PDE10A: variants seen among roughly 807,000 people sequenced by gnomAD.
The protein encoded by PDE10A is phosphodiesterase 10A, also known as cAMP and cAMP-inhibited cGMP 3',5'-cyclic phosphodiesterase 10A.
In PDE10A, 39 loss-of-function variants were observed where a neutral mutation model predicts 97.7. The ratio of observed to expected loss-of-function variants is 0.40; its 90% CI spans 0.31 to 0.52. PDE10A has a LOEUF of 0.52. Among genes scored for constraint, PDE10A ranks in the 20% least tolerant of loss-of-function variants. The pLI is 0.56. For missense variants in PDE10A, 731 were observed against 1,047.8 expected (o/e 0.70, Z 4.17); for synonymous variants, 371 against 376.8 (o/e 0.98, Z 0.18).
intron 5 of PDE10A, among the ~76,000 whole-genome samples, chr6:165,442,549 T>C (rs1382845517): frequency 4.6e-5 from 7 of 152,128 alleles, no homozygotes; most frequent in Non-Finnish European, 1.0e-4. Flanking sequence ...TGCCACACAC[T>C]TTTTACCTAC....
chr6:165,493,689 G>C (rs372322087), intron 2 of PDE10A, among the ~76,000 whole-genome samples: 1 of 152,056 alleles, frequency 6.6e-6, no homozygotes, highest in Non-Finnish European at 1.5e-5. Context: ...ATGGATCAAA[G>C]ACTTAAATCT....
At chr6:165,923,387 C>G (rs753076286) in intron 1 of PDE10A, among the ~76,000 whole-genome samples, 2 of 152,198 alleles carry the variant, frequency 1.3e-5, no homozygotes, top group East Asian at 3.8e-4. Flanking sequence ...GTGACCACAT[C>G]GTGGCAGGTG....
At chr6:165,972,499 G>A (rs187304095) in intron 1 of PDE10A, among the ~76,000 whole-genome samples, 1 of 152,252 alleles carries the variant, frequency 6.6e-6, no homozygotes, top group East Asian at 1.9e-4. Flanking sequence ...ATTCCCCGAA[G>A]AATAACTGAG....
intron 18 of PDE10A, among the ~76,000 whole-genome samples, chr6:165,377,513 A>G (rs1256732209): frequency 1.3e-5 from 2 of 152,198 alleles, no homozygotes; most frequent in Admixed American, 1.3e-4. Flanking sequence ...ACGTATGTAC[A>G]TGGGTACCAA....
At chr6:165,668,252 T>A (rs1289166441) in intron 1 of PDE10A, among the ~76,000 whole-genome samples, 1 of 152,134 alleles carries the variant, frequency 6.6e-6, no homozygotes, top group African/African-American at 2.4e-5. Flanking sequence ...ATAAAAAGGG[T>A]TGGCTGGGGG....
chr6:165,925,840 C>T (rs78798807), intron 1 of PDE10A, among the ~76,000 whole-genome samples: 169 of 152,190 alleles, frequency 1.1e-3, no homozygotes, highest in Non-Finnish European at 2.0e-3. Context: ...TCTGATAAGA[C>T]CACATAGAAC....
At chr6:165,739,942 T>C (rs982485092) in intron 1 of PDE10A, among the ~76,000 whole-genome samples, 18 of 152,120 alleles carry the variant, frequency 1.2e-4, no homozygotes, top group Non-Finnish European at 2.5e-4. Context: ...TAGTTATTTA[T>C]AAAAGACAAA....
intron 1 of PDE10A, among the ~76,000 whole-genome samples, chr6:165,585,085 G>T (rs1360345042): frequency 6.6e-6 from 1 of 152,118 alleles, no homozygotes; most frequent in South Asian, 2.1e-4. Context: ...GAATAACATT[G>T]AACTTTACAT....
chr6:165,872,059 T>C (rs934811095), intron 1 of PDE10A, among the ~76,000 whole-genome samples: 5 of 152,122 alleles, frequency 3.3e-5, no homozygotes, highest in Admixed American at 6.5e-5. Flanking sequence ...CTGTGTTCAA[T>C]TGGATGCATT....
rs1789909899 is a variant in PDE10A, at chr6:165,655,649, CACG to C, written c.865+6295_865+6297del. Among the ~76,000 whole-genome samples the C allele has an allele frequency of 6.6e-6, 1 of 152,144 alleles. No individual in the cohort carries two copies. The highest frequency in any genetic ancestry group is 2.4e-5 in the African/African-American group (1 of 41,426). On this transcript the variant is annotated intron_variant, in intron 1 of 21. Coordinates refer to ENST00000539869, the MANE Select transcript of PDE10A (RefSeq NM_001385079.1). This position sits in a 1 kb window ranked among gnomAD's most constrained non-coding sequence, Gnocchi z 4.5. ...GTAGCATCCATGGACTCCCTGTATC[CACG>C]ACATCTCCCTTCATTCATTCACCAA...
intron 1 of PDE10A, among the ~76,000 whole-genome samples, chr6:165,546,269 C>T (rs1380647714): frequency 6.6e-6 from 1 of 151,930 alleles, no homozygotes; most frequent in Non-Finnish European, 1.5e-5. Context: ...GGGGAAAGGG[C>T]AAATTATGAA....
chr6:165,346,701 G>A (rs1782333722), intron 18 of PDE10A, among the ~76,000 whole-genome samples: 1 of 152,150 alleles, frequency 6.6e-6, no homozygotes, highest in Admixed American at 6.5e-5. Flanking sequence ...AGGAAGCCCA[G>A]CCCTCCCACA....
rs374667997 is a variant in PDE10A at position 165,795,079 on chromosome 6, G to C, written c.-615+192450C>G. On this transcript the variant is annotated intron_variant, in intron 1 of 19. Transcript: ENST00000366882. ...TGTCAAAAAAGGGAGTGAATTTTCT[G>C]CATCTACCTACCCCACTCTTCCCGG... Among the ~76,000 whole-genome samples the C allele has an allele frequency of 8.1e-4, 123 of 152,264 alleles. 1 individual carries two copies. The highest frequency in any genetic ancestry group is 3.3e-3 in the South Asian group (16 of 4,816).
chr6:165,336,344 T>C (rs1781645978), intron 20 of PDE10A, 133 bp from the exon 21 acceptor site: 1 of 656,350 alleles, frequency 1.5e-6, no homozygotes, highest in African/African-American at 1.8e-5. Context: ...TTTTGCTGTA[T>C]GTGATATCTG....
intron 2 of PDE10A, among the ~76,000 whole-genome samples, chr6:165,536,056 G>A (rs58994342): frequency 0.11 from 17,089 of 151,884 alleles, 1,130 homozygotes; most frequent in African/African-American, 0.17. Flanking sequence ...ACATTACCTG[G>A]TTTCAAATTA....
chr6:165,881,565 A>ATTTTTT (rs3049923), intron 1 of PDE10A, among the ~76,000 whole-genome samples: 3 of 134,410 alleles, frequency 2.2e-5, no homozygotes, highest in Admixed American at 7.5e-5. Flanking sequence ...TGCCCAGCTA[A>ATTTTTT]TTTTTTTTTT....
intron 1 of PDE10A, among the ~76,000 whole-genome samples, chr6:165,965,981 G>A (rs2128499524): frequency 6.6e-6 from 1 of 152,354 alleles, no homozygotes; most frequent in South Asian, 2.1e-4. Context: ...CTGTTCCATT[G>A]TATTTAATAC....
chr6:165,542,926 T>C (rs983574839), intron 2 of PDE10A, among the ~76,000 whole-genome samples: 1 of 152,118 alleles, frequency 6.6e-6, no homozygotes, highest in African/African-American at 2.4e-5. Context: ...CCAATATACT[T>C]GTTCTTTTAC....
intron 1 of PDE10A, among the ~76,000 whole-genome samples, chr6:165,753,350 G>A (rs890922929): frequency 1.3e-5 from 2 of 152,162 alleles, no homozygotes; most frequent in African/African-American, 4.8e-5. Flanking sequence ...GTACGTGGGT[G>A]GGGTCCACTT....
Sources: gnomAD v4.1 joint callset for allele counts (sites outside exome capture counted in the v4.1 genomes callset) on GRCh38, gnomAD v4.1.1 for gene constraint, Gnocchi (gnomAD v3.1) non-coding constraint, MANE v1.5 for transcripts, NCBI Gene and HGNC (gene_info 2026-07-23, HGNC 2026-07-21) for gene names.